TFB1M: variants seen among roughly 807,000 people sequenced by gnomAD.
TFB1M encodes dimethyladenosine transferase 1, mitochondrial.
Under a neutral mutation model 31.1 loss-of-function variants are expected in TFB1M, and 27 were observed. That is an observed-to-expected ratio of 0.87 (90% CI 0.64 to 1.20). The LOEUF (loss-of-function observed/expected upper bound fraction) is 1.20, where lower values mean the gene tolerates loss of function less well. Among genes scored for constraint, TFB1M ranks in the 50% most tolerant of loss-of-function variants. The pLI is 0.00. For missense variants in TFB1M, 394 were observed against 418.7 expected (o/e 0.94, Z 0.51); for synonymous variants, 166 against 151.8 (o/e 1.09, Z -0.69).
the TFB1M span, among the ~76,000 whole-genome samples, chr6:155,242,695 T>G: frequency 6.6e-6 from 1 of 152,178 alleles, no homozygotes; most frequent in African/African-American, 2.4e-5. Flanking sequence ...AAGAGAAATC[T>G]TTTCTATCAC....
At chr6:155,308,758 GC>G (rs1777895312) in intron 2 of TFB1M, among the ~76,000 whole-genome samples, 1 of 152,160 alleles carries the variant, frequency 6.6e-6, no homozygotes, top group Non-Finnish European at 1.5e-5. Context: ...CAGGCTTTCA[GC>G]TAGAAGGTAT....
chr6:155,294,988 C>T (rs912587884), intron 4 of TFB1M, among the ~76,000 whole-genome samples: 5 of 152,170 alleles, frequency 3.3e-5, no homozygotes, highest in South Asian at 4.1e-4. Context: ...TCATAAGCAA[C>T]GTCAGTGAAT....
chr6:155,250,538 C>T, the TFB1M span: 2 of 1,535,644 alleles, frequency 1.3e-6, no homozygotes, highest in African/African-American at 1.4e-5. Context: ...CTTTTATCAG[C>T]AGCCCGAATG....
At chr6:155,313,558 G>A (rs981427487) in intron 1 of TFB1M, among the ~76,000 whole-genome samples, 3 of 152,074 alleles carry the variant, frequency 2.0e-5, no homozygotes, top group East Asian at 3.9e-4. Context: ...CAATGGTGAT[G>A]GTGGTTAAAC....
intron 5 of TFB1M, among the ~76,000 whole-genome samples, chr6:155,269,379 T>C (rs1037416947): frequency 2.7e-5 from 4 of 148,114 alleles, no homozygotes; most frequent in African/African-American, 1.0e-4. Flanking sequence ...TGGAGTGCTA[T>C]GACACGATCT....
chr6:155,256,452 T>G lies in TFB1M; in HGVS notation c.*1384A>C, dbSNP rs759286128. 3 of 1,613,748 alleles carry G rather than the reference T, an allele frequency of 1.9e-6. No homozygotes were observed. In the South Asian group the frequency reaches 3.3e-5, roughly 18 times the overall value. On this transcript the variant is annotated 3_prime_UTR_variant, in exon 7 of 7. Transcript: ENST00000367166. ...TTACACATTGTGTAACCTGTTTCTG[T>G]ATCACAGCGAAATGTGTTTTTCTCA...
At chr6:155,301,200 T>C (rs1450407720) in intron 2 of TFB1M, among the ~76,000 whole-genome samples, 1 of 152,202 alleles carries the variant, frequency 6.6e-6, no homozygotes. Context: ...CTTTAAAAGG[T>C]ACACCTCCTT....
At chr6:155,263,130 C>T (rs1335189445) in intron 5 of TFB1M, among the ~76,000 whole-genome samples, 1 of 152,192 alleles carries the variant, frequency 6.6e-6, no homozygotes, top group Admixed American at 6.5e-5. Context: ...CCCCCAAAGG[C>T]ACCTTTCAGA....
chr6:155,275,931 T>G, intron 5 of TFB1M: 8 of 1,614,178 alleles, frequency 5.0e-6, no homozygotes, highest in Non-Finnish European at 6.8e-6. Flanking sequence ...CACTCCATTC[T>G]GTCCCTCCCC....
intron 4 of TFB1M, among the ~76,000 whole-genome samples, chr6:155,289,576 A>G (rs1415202017): frequency 6.6e-6 from 1 of 152,246 alleles, no homozygotes. Context: ...GTAGTGCTAG[A>G]GACAGGAATA....
the TFB1M span, chr6:155,248,157 C>T: frequency 9.9e-6 from 16 of 1,613,736 alleles, no homozygotes; most frequent in South Asian, 6.6e-5. Context: ...ACCAGGAGAG[C>T]GAGGAGCACT....
At chr6:155,273,785 G>A (rs548875271) in intron 5 of TFB1M, among the ~76,000 whole-genome samples, 2 of 152,168 alleles carry the variant, frequency 1.3e-5, no homozygotes, top group African/African-American at 4.8e-5. Flanking sequence ...ATGACATGGG[G>A]TGATATCCTA....
At chr6:155,307,778 T>C (rs1193884006) in intron 2 of TFB1M, among the ~76,000 whole-genome samples, 2 of 151,924 alleles carry the variant, frequency 1.3e-5, no homozygotes, top group Non-Finnish European at 2.9e-5. Flanking sequence ...TAAAATACAC[T>C]AACGATAGCA....
At chr6:155,304,472 G>C (rs1777578374) in intron 2 of TFB1M, among the ~76,000 whole-genome samples, 1 of 152,002 alleles carries the variant, frequency 6.6e-6, no homozygotes, top group South Asian at 2.1e-4. Flanking sequence ...TTAAAAAACA[G>C]AGAAAATAGA....
downstream of TFB1M, chr6:155,253,136 G>C: frequency 8.1e-7 from 1 of 1,231,082 alleles, no homozygotes; most frequent in Non-Finnish European, 1.2e-6. Context: ...AGGACCTTGG[G>C]GATAATTTTT....
chr6:155,259,105 C>T (rs1323241827), intron 6 of TFB1M, among the ~76,000 whole-genome samples: 1 of 152,158 alleles, frequency 6.6e-6, no homozygotes, highest in East Asian at 1.9e-4. Flanking sequence ...TTTCCAAAAG[C>T]ACATAAAAGG....
chr6:155,251,258 C>T (rs1393825495), downstream of TFB1M, among the ~76,000 whole-genome samples: 2 of 152,156 alleles, frequency 1.3e-5, no homozygotes, highest in Non-Finnish European at 2.9e-5. Context: ...GGAACAGATC[C>T]CTGCGGCTAT....
At chr6:155,283,274 C>T (rs1282341917) in intron 5 of TFB1M, among the ~76,000 whole-genome samples, 2 of 152,058 alleles carry the variant, frequency 1.3e-5, no homozygotes, top group East Asian at 3.9e-4. Flanking sequence ...CTATGAAAAA[C>T]TACAAAAAAT....
the TFB1M span, among the ~76,000 whole-genome samples, chr6:155,229,872 G>A: frequency 7.9e-5 from 12 of 152,150 alleles, no homozygotes; most frequent in East Asian, 1.9e-4. Flanking sequence ...GCAAGAGAGC[G>A]TGTGCAGGGG....
Sources: allele counts gnomAD v4.1 joint callset (sites outside exome capture counted in the v4.1 genomes callset), GRCh38; gene constraint gnomAD v4.1.1; transcripts MANE v1.5; gene names NCBI Gene and HGNC (gene_info 2026-07-23, HGNC 2026-07-21).